The following SZT2 variants were observed in gnomAD, a reference collection of about 807,000 sequenced individuals.
The protein encoded by SZT2 is KICSTOR complex protein SZT2.
A neutral mutation model predicts 404.2 loss-of-function variants in SZT2; 216 were observed. The observed-to-expected ratio is 0.53, with a 90% CI of 0.48 to 0.60. The LOEUF is 0.60. SZT2 is among the 20% of genes least tolerant of loss of function. SZT2 has a pLI of 0.00. For synonymous variants in SZT2, 1,693 were observed against 1,749.9 expected (o/e 0.97, Z 0.81); for missense variants, 3,857 against 4,459.2 (o/e 0.86, Z 3.85).
rs754481570 is a variant in SZT2, at chr1:43,422,840, G to A, written c.1994G>A (p.Arg665His). ...IISKAPCMVL[R>H]LGFPIGTPAP... is the part of the protein sequence containing the mutation. ...TCCAAGGCCCCATGCATGGTTCTTC[G>A]CCTGGGTTTTCCCATTGGCACACCA... Residue 665 changes from arginine to histidine, a missense_variant, in exon 14 of 72, where the codon CGC (arginine) becomes CAC (histidine). By Grantham distance (29) the Arg-to-His change is conservative. This residue lies in a region of SZT2 where 1,725 missense variants were observed against 1,881.0 expected (regional missense o/e 0.92). Coordinates refer to ENST00000634258, the MANE Select transcript of SZT2 (RefSeq NM_001365999.1). 2.1e-5 allele frequency: 33 copies of A among 1,592,862 alleles called. No homozygotes were observed. Among genetic ancestry groups the A allele is most frequent in the East Asian group, 8.9e-5 (4 of 44,704 alleles).
At chr1:43,422,975 G>C in intron 14 of SZT2, 92 bp downstream of exon 14, 1 of 1,484,046 alleles carries the variant, frequency 6.7e-7, no homozygotes, top group Admixed American at 2.0e-5. Context: ...GTCTAATAGA[G>C]GGAGGAGCCC....
In SZT2 at chr1:43,400,662, A is replaced by G. The variant is rs185383200; in HGVS notation, c.28-2515A>G. Among the ~76,000 whole-genome samples, 3 of 152,328 alleles carry G rather than the reference A, an allele frequency of 2.0e-5. No individual in the cohort carries two copies. The East Asian group carries it at 5.8e-4, about 29-fold the overall frequency. The stretch of plus-strand genomic sequence containing the variant: ...CAAGGCGGGTGAATCACCCAAGGTC[A>G]GGAGTTCCAGACCAGCCTGGCCAAC... On this transcript the variant is annotated intron_variant, in intron 1 of 71. Coordinates refer to ENST00000634258, the MANE Select transcript of SZT2 (RefSeq NM_001365999.1).
rs759262697 is a variant in SZT2 at position 43,403,658 on chromosome 1, G to A, written c.211G>A (p.Asp71Asn). The change falls in exon 3 of 72, where the codon GAT becomes AAT. Residue 71 changes from aspartate to asparagine, a missense_variant. Asp to Asn is a conservative substitution (Grantham distance 23, BLOSUM62 1). This residue lies in a region of SZT2 where 536 missense variants were observed against 637.4 expected (regional missense o/e 0.84). Transcript: ENST00000634258. ...LSVLPPGWQP[D>N]EPVVPRPFLL... is the part of the protein sequence containing the mutation. ...TGTCCTGCCCCCTGGGTGGCAGCCA[G>A]ATGAACCAGTGGTCCCAAGGCCATT... 2 of 1,614,194 alleles carry A rather than the reference G, an allele frequency of 1.2e-6. No individual in the cohort carries two copies. Among genetic ancestry groups the A allele is most frequent in the South Asian group, 2.2e-5 (2 of 91,080 alleles).
In SZT2 at chr1:43,448,409, C is replaced by A; in HGVS notation, c.9894C>A (p.Arg3298=). 6.3e-7 allele frequency: 1 copy of A among 1,585,350 alleles called. No individual in the cohort carries two copies. The highest frequency in any genetic ancestry group is 8.6e-7 in the Non-Finnish European group (1 of 1,165,906). The part of the protein sequence containing the change: ...PGPDRLRLGG[R]LALAELEELL... Reference sequence around the variant, plus strand: ...CTGATCGACTGCGGCTAGGGGGGCGCCTGGCCCTGGCAGAGCTGGAGGAAC... The same window carrying A: ...CTGATCGACTGCGGCTAGGGGGGCGACTGGCCCTGGCAGAGCTGGAGGAAC... Residue 3298 remains arginine, a synonymous_variant, in exon 69 of 72, where the codon CGC becomes CGA. Transcript: ENST00000634258. The surrounding 1 kb of genome is among the most constrained non-coding windows in gnomAD (Gnocchi z 4.2).
At chr1:43,409,533 CA>C (rs1411693262) in intron 4 of SZT2, 1 of 379,248 alleles carries the variant, frequency 2.6e-6, no homozygotes, top group South Asian at 2.0e-5. Flanking sequence ...ATGGCTCCAC[CA>C]AAAAACTATT....
intron 63 of SZT2, 47 bp from the exon 64 acceptor site, chr1:43,446,132 C>G (rs766201422): frequency 3.7e-6 from 6 of 1,608,738 alleles, no homozygotes; most frequent in East Asian, 2.2e-5. Context: ...CCTACTGATT[C>G]GAGGCTGGTG....
At chr1:43,405,372 A>G (rs1650179275) in intron 4 of SZT2, 1 of 152,202 alleles carries the variant, frequency 6.6e-6, no homozygotes, top group South Asian at 2.1e-4. Flanking sequence ...CCACACAGAT[A>G]ATTACAGGGC....
intron 1 of SZT2, among the ~76,000 whole-genome samples, chr1:43,394,467 G>C (rs2153927449): frequency 6.6e-6 from 1 of 152,266 alleles, no homozygotes; most frequent in East Asian, 1.9e-4. Context: ...TTTTCATGCA[G>C]CTGGTCCTTG....
chr1:43,427,950 T>G, intron 26 of SZT2, 53 bp from the exon 27 acceptor site: 1 of 1,506,162 alleles, frequency 6.6e-7, no homozygotes, highest in Non-Finnish European at 9.2e-7. Flanking sequence ...CTAATGAGTG[T>G]GAGGTATCAC....
chr1:43,399,292 C>A (rs1570549801), intron 1 of SZT2, among the ~76,000 whole-genome samples: 1 of 152,174 alleles, frequency 6.6e-6, no homozygotes, highest in African/African-American at 2.4e-5. Flanking sequence ...ATAAGACTTT[C>A]ACCGTGAAAG....
Position 43,453,478 on chromosome 1 carries a change from T to C in SZT2, c.*2998T>C. On this transcript the variant is annotated 3_prime_UTR_variant, in exon 72 of 72. Transcript: ENST00000634258. ...TCCCGGGGACGGCCCCCAGCCCCAT[T>C]TCCCCCTTCTCTTGGTCTCCTGCAG... 1 of 1,559,516 alleles carries C rather than the reference T, an allele frequency of 6.4e-7. No individual in the cohort carries two copies. Among genetic ancestry groups the C allele is most frequent in the Non-Finnish European group, 8.7e-7 (1 of 1,150,944 alleles).
intron 28 of SZT2, chr1:43,429,472 A>G: frequency 4.1e-6 from 2 of 492,150 alleles, no homozygotes; most frequent in Non-Finnish European, 7.3e-6. Flanking sequence ...CCTCAGCAAC[A>G]GAGTAAGACT....
rs1237704647 is a variant in SZT2 at position 43,454,170 on chromosome 1, A to G, written c.*3690A>G. On this transcript the variant is annotated 3_prime_UTR_variant, in exon 72 of 72. Transcript: ENST00000634258. ...ACTTTAATACTGAGTCTTTCCTCTG[A>G]TTATAAAAATGCTATCTGTTCGTTA... 5.7e-6 allele frequency: 2 copies of G among 351,532 alleles called. No individual in the cohort carries two copies. Among genetic ancestry groups the G allele is most frequent in the Non-Finnish European group, 8.2e-6 (2 of 243,954 alleles). 21.8% of individuals were successfully genotyped at this position (351,532 alleles called of 1,614,324 possible).
intron 3 of SZT2, 26 bp from the exon 4 acceptor site, chr1:43,404,354 C>G: frequency 6.2e-7 from 1 of 1,600,160 alleles, no homozygotes; most frequent in Non-Finnish European, 8.5e-7. Context: ...TTTGGACCCC[C>G]TTGAGTGCTC....
Position 43,420,686 on chromosome 1 carries a change from A to AGAGTTCTATCCCAGGCCTAG in SZT2, c.1262-63_1262-62insGAGTTCTATCCCAGGCCTAG. Reference sequence around the variant, plus strand: ...TGAGGTAGGTGGGGGTTTCAGATAGAACTCGATCCCAGGCCTAGAGTCCTA... The same window carrying AGAGTTCTATCCCAGGCCTAG: ...TGAGGTAGGTGGGGGTTTCAGATAGAGAGTTCTATCCCAGGCCTAGACTCGATCCCAGGCCTAGAGTCCTA... On this transcript the variant is annotated intron_variant, in intron 9 of 71. Coordinates refer to ENST00000634258, the MANE Select transcript of SZT2 (RefSeq NM_001365999.1). The surrounding 1 kb of genome is among the most constrained non-coding windows in gnomAD (Gnocchi z 5.1). 1 of 1,487,198 alleles carries AGAGTTCTATCCCAGGCCTAG rather than the reference A, an allele frequency of 6.7e-7. No homozygotes were observed. Among genetic ancestry groups the AGAGTTCTATCCCAGGCCTAG allele is most frequent in the Non-Finnish European group, 9.2e-7 (1 of 1,089,196 alleles). 92.1% of individuals were successfully genotyped at this position (1,487,198 alleles called of 1,614,324 possible). A position where few individuals can be genotyped will look rare whatever the true frequency, so the allele number is the denominator to read the frequency against.
In SZT2 at chr1:43,447,182, G is replaced by A; in HGVS notation, c.9286+14G>A. 6.2e-7 allele frequency: 1 copy of A among 1,603,282 alleles called. No individual in the cohort carries two copies. Among genetic ancestry groups the A allele is most frequent in the Non-Finnish European group, 8.5e-7 (1 of 1,176,374 alleles). ...ACATTTACCAAGGTCAGTGCCCAAG[G>A]GCAAGCCAGTGAACCCAAAAAAGAA... On this transcript the variant is annotated intron_variant, in intron 66 of 71. Coordinates refer to ENST00000634258, the MANE Select transcript of SZT2 (RefSeq NM_001365999.1).
chr1:43,433,113 C>A lies in SZT2; in HGVS notation c.5727C>A (p.Leu1909=). Residue 1909 remains leucine (L), a synonymous_variant, in exon 40 of 72, where the codon CTC becomes CTA. Coordinates refer to ENST00000634258, the MANE Select transcript of SZT2 (RefSeq NM_001365999.1). ...PAPPQPSLSG[L]PGPCLPDFWL... is the part of the protein sequence containing the mutation. ...CTCCACAGCCTTCACTCTCAGGCCT[C>A]CCTGGGCCCTGCCTGCCTGACTTCT... The A allele has an allele frequency of 6.2e-6, 10 of 1,614,172 alleles. No individual in the cohort carries two copies. The highest frequency in any genetic ancestry group is 8.5e-6 in the Non-Finnish European group (10 of 1,180,038).
intron 7 of SZT2, 128 bp from the exon 8 acceptor site, chr1:43,419,606 A>G (rs1652099706): frequency 1.6e-5 from 12 of 728,052 alleles, no homozygotes; most frequent in Non-Finnish European, 2.7e-5. Flanking sequence ...CTGGGAAAAC[A>G]CTGGCCTACT....
Position 43,430,720 on chromosome 1 carries a change from C to T in SZT2, c.4705C>T (p.Leu1569Phe). The T allele has an allele frequency of 1.9e-6, 3 of 1,613,616 alleles. No individual in the cohort carries two copies. The highest frequency in any genetic ancestry group is 2.5e-6 in the Non-Finnish European group (3 of 1,180,038). The change falls in exon 32 of 72, where the codon CTC (leucine) becomes TTC (phenylalanine). Residue 1569 changes from leucine to phenylalanine, a missense_variant. By Grantham distance (22) the Leu-to-Phe change is conservative. This residue lies in a region of SZT2 where 1,725 missense variants were observed against 1,881.0 expected (regional missense o/e 0.92). Transcript: ENST00000634258. ...TGACCTGCCACCGCTCTTCCTGCAC[C>T]TCACGTGCTCCGTGCGGCTACGTGG... ...LHDLPPLFLH[L>F]TCSVRLRGQH...
Sources: allele counts gnomAD v4.1 joint callset (sites outside exome capture counted in the v4.1 genomes callset), GRCh38; gene constraint gnomAD v4.1.1; regional missense constraint gnomAD v4.1.1; non-coding constraint Gnocchi (gnomAD v3.1); transcripts MANE v1.5; gene names NCBI Gene and HGNC (gene_info 2026-07-23, HGNC 2026-07-21).